Variants in PCDHGA2 observed in about 807,000 individuals in gnomAD.
The protein encoded by PCDHGA2 is protocadherin gamma subfamily A, 2.
A neutral mutation model predicts 59.2 loss-of-function variants in PCDHGA2; 40 were observed. The ratio of observed to expected loss-of-function variants is 0.68; its 90% CI spans 0.52 to 0.88. The LOEUF (loss-of-function observed/expected upper bound fraction) is 0.88. PCDHGA2 is among the 40% of genes least tolerant of loss of function. PCDHGA2 has a pLI of 0.00. For synonymous variants in PCDHGA2, 560 were observed against 526.0 expected (o/e 1.06, Z -0.89); for missense variants, 1,226 against 1,204.0 (o/e 1.02, Z -0.27).
At chr5:141,418,265 G>A (rs2096242953) in intron 1 of PCDHGA2, 1 of 1,614,062 alleles carries the variant, frequency 6.2e-7, no homozygotes, top group East Asian at 2.2e-5. Context: ...ATTCCGGAAA[G>A]ATGAAATAAA....
Position 141,487,203 on chromosome 5 carries a change from G to A in PCDHGA2, c.2425-7604G>A, listed in dbSNP as rs765707343. 6.8e-6 allele frequency: 11 copies of A among 1,613,804 alleles called. No homozygotes were observed. The highest frequency in any genetic ancestry group is 5.3e-5 in the African/African-American group (4 of 74,890). The stretch of plus-strand genomic sequence containing the variant: ...ACTCATCCAGTTGTCCCAGATCTTC[G>A]AGAATCTTCAGCTCCAAGGGAAGGA... On this transcript the variant is annotated intron_variant, in intron 1 of 3. Transcript: ENST00000394576. This position sits in a 1 kb window ranked among gnomAD's most constrained non-coding sequence, Gnocchi z 5.0.
intron 1 of PCDHGA2, among the ~76,000 whole-genome samples, chr5:141,362,942 A>T (rs141459764): frequency 6.6e-6 from 1 of 152,354 alleles, no homozygotes; most frequent in African/African-American, 2.4e-5. Context: ...TCATTTTAGT[A>T]GGCTTTGGAA....
intron 1 of PCDHGA2, among the ~76,000 whole-genome samples, chr5:141,456,876 T>C (rs188356008): frequency 1.5e-3 from 222 of 152,196 alleles, no homozygotes; most frequent in African/African-American, 5.2e-3. Flanking sequence ...GGCAGGAGAA[T>C]CGCTTGAACC....
intron 1 of PCDHGA2, chr5:141,395,264 A>T: frequency 1.3e-6 from 2 of 1,549,832 alleles, no homozygotes; most frequent in Non-Finnish European, 1.7e-6. Flanking sequence ...GCTTGCTTTT[A>T]ATTTCCAGAT....
intron 1 of PCDHGA2, chr5:141,410,165 T>G: frequency 1.9e-6 from 3 of 1,613,714 alleles, no homozygotes; most frequent in Non-Finnish European, 2.5e-6. Flanking sequence ...GCCGCCACTC[T>G]CTGCCACCGC....
At chr5:141,404,150 G>T in intron 1 of PCDHGA2, 1 of 1,612,828 alleles carries the variant, frequency 6.2e-7, no homozygotes, top group South Asian at 1.1e-5. Flanking sequence ...TTCAGAAGAA[G>T]ATTATTACAG....
intron 1 of PCDHGA2, among the ~76,000 whole-genome samples, chr5:141,464,913 A>T (rs1035542028): frequency 1.3e-4 from 19 of 151,426 alleles, no homozygotes; most frequent in Admixed American, 1.2e-3. Context: ...TAATTTTTTT[A>T]TTTTTTTGTA....
Position 141,341,339 on chromosome 5 carries a change from T to G in PCDHGA2, c.2368T>G (p.Phe790Val). ...CCAGGAGAGCTGTGAGAAAAAGGAT[T>G]TTTTATCAGCGCCTCAATCTCTACT... The part of the protein sequence containing the change: ...ISQESCEKKD[F>V]LSAPQSLLEE... The change falls in exon 1 of 4, where the codon TTT becomes GTT. Residue 790 changes from phenylalanine (F) to valine (V), a missense_variant. Physicochemically the swap from Phe to Val is conservative, Grantham distance 50. Transcript: ENST00000394576. The G allele has an allele frequency of 6.2e-7, 1 of 1,614,230 alleles. No individual in the cohort carries two copies. Among genetic ancestry groups the G allele is most frequent in the Non-Finnish European group, 8.5e-7 (1 of 1,180,038 alleles).
chr5:141,357,103 A>G, intron 1 of PCDHGA2: 1 of 1,613,860 alleles, frequency 6.2e-7, no homozygotes, highest in Non-Finnish European at 8.5e-7. Context: ...CCTGCTGGAC[A>G]GAGACGCGCT....
At chr5:141,414,557 A>T (rs749209012) in intron 1 of PCDHGA2, 25 of 1,613,906 alleles carry the variant, frequency 1.5e-5, no homozygotes, top group Non-Finnish European at 2.0e-5. Flanking sequence ...CAAGTCTCCT[A>T]CTTTACCTAT....
chr5:141,380,571 T>C (rs529430145), intron 1 of PCDHGA2, among the ~76,000 whole-genome samples: 2 of 152,352 alleles, frequency 1.3e-5, no homozygotes, highest in African/African-American at 4.8e-5. Context: ...ATTAAACATA[T>C]CTTGGCGGTC....
intron 1 of PCDHGA2, among the ~76,000 whole-genome samples, chr5:141,483,272 A>T (rs545719861): frequency 4.4e-4 from 67 of 152,196 alleles, no homozygotes; most frequent in African/African-American, 1.4e-3. Flanking sequence ...TGTTTTAGAA[A>T]TATTATTCTG....
Position 141,489,564 on chromosome 5 carries a change from G to A in PCDHGA2, c.2425-5243G>A, listed in dbSNP as rs375200685. The A allele has an allele frequency of 1.9e-6, 3 of 1,613,980 alleles. No homozygotes were observed. Among genetic ancestry groups the A allele is most frequent in the Non-Finnish European group, 1.7e-6 (2 of 1,180,020 alleles). On this transcript the variant is annotated intron_variant, in intron 1 of 3. Transcript: ENST00000394576. This position sits in a 1 kb window ranked among gnomAD's most constrained non-coding sequence, Gnocchi z 4.5. Reference sequence around the variant, plus strand: ...CCAGCTGCCTGCTGCCAGTGCAGGTGGTGACTGAACACCCCCTGGAGCTAA... The same window carrying A: ...CCAGCTGCCTGCTGCCAGTGCAGGTAGTGACTGAACACCCCCTGGAGCTAA...
intron 1 of PCDHGA2, among the ~76,000 whole-genome samples, chr5:141,463,088 C>T (rs768488458): frequency 6.6e-6 from 1 of 152,108 alleles, no homozygotes; most frequent in Non-Finnish European, 1.5e-5. Flanking sequence ...ATTTTCCAGC[C>T]CTATGTGACC....
chr5:141,394,066 A>T (rs1589216611), intron 1 of PCDHGA2: 1 of 1,613,738 alleles, frequency 6.2e-7, no homozygotes, highest in Admixed American at 1.7e-5. Context: ...GTCTCTATCT[A>T]CAATATCACA....
At chr5:141,383,054 T>G in intron 1 of PCDHGA2, 3 of 1,613,872 alleles carry the variant, frequency 1.9e-6, no homozygotes, top group Non-Finnish European at 2.5e-6. Context: ...GCCAAGGACC[T>G]GGGGCTGGAG....
At position 141,339,793 on chromosome 5, in the gene PCDHGA2, C is replaced by G. The variant is rs1319429933; in HGVS notation, c.822C>G (p.Tyr274Ter). ...VTATDADEGY[Y>*]AQVVYFLEKS... ...CCACTGACGCAGATGAGGGCTACTA[C>G]GCTCAAGTGGTATATTTTCTAGAGA... Residue 274 changes from tyrosine to a stop codon, truncating the protein, a stop_gained, in exon 1 of 4, where the codon TAC (tyrosine) becomes TAG (stop). Coordinates refer to ENST00000394576, the MANE Select transcript of PCDHGA2 (RefSeq NM_018915.4). LOFTEE classifies it high-confidence loss of function. 1 of 1,614,084 alleles carries G rather than the reference C, an allele frequency of 6.2e-7. No individual in the cohort carries two copies. Among genetic ancestry groups the G allele is most frequent in the Non-Finnish European group, 8.5e-7 (1 of 1,180,048 alleles).
At chr5:141,497,771 C>T (rs2099779314) in intron 2 of PCDHGA2, among the ~76,000 whole-genome samples, 1 of 152,154 alleles carries the variant, frequency 6.6e-6, no homozygotes, top group Non-Finnish European at 1.5e-5. Context: ...ACTCCCCGAC[C>T]TCAACTGATC....
rs1387152450 is a variant in PCDHGA2 at position 141,487,754 on chromosome 5, G to A, written c.2425-7053G>A. The A allele has an allele frequency of 1.3e-6, 2 of 1,552,036 alleles. No individual in the cohort carries two copies. Among genetic ancestry groups the A allele is most frequent in the Admixed American group, 3.9e-5 (2 of 50,970 alleles). ...CATTTTTGTAAGAGGTAACTATGTG[G>A]TAGACGCTGTGCTTTGTAACTGTTT... On this transcript the variant is annotated intron_variant, in intron 1 of 3. Transcript: ENST00000394576. This position sits in a 1 kb window ranked among gnomAD's most constrained non-coding sequence, Gnocchi z 5.0.
Sources: gnomAD v4.1 joint callset for allele counts (sites outside exome capture counted in the v4.1 genomes callset) on GRCh38, gnomAD v4.1.1 for gene constraint, Gnocchi (gnomAD v3.1) non-coding constraint, MANE v1.5 for transcripts, NCBI Gene and HGNC (gene_info 2026-07-23, HGNC 2026-07-21) for gene names.